The following BCO1 variants were observed in gnomAD, a reference collection of about 807,000 sequenced individuals.
BCO1 encodes the protein beta-carotene oxygenase 1, also known as beta,beta-carotene 15,15'-dioxygenase.
A neutral mutation model predicts 56.3 loss-of-function variants in BCO1; 54 were observed. The observed-to-expected ratio is 0.96, with a 90% confidence interval of 0.77 to 1.20. The LOEUF is 1.20. BCO1 is among the 50% of genes most tolerant of loss of function. The pLI, the probability that BCO1 is intolerant of heterozygous loss-of-function variation, is 0.00. For missense variants in BCO1, 801 were observed against 690.9 expected (o/e 1.16, Z -1.79); for synonymous variants, 318 against 266.1 (o/e 1.20, Z -1.90).
At chr16:81,252,159 G>C (rs1313803766) in intron 2 of BCO1, among the ~76,000 whole-genome samples, 1 of 151,958 alleles carries the variant, frequency 6.6e-6, no homozygotes, top group Non-Finnish European at 1.5e-5. Context: ...ATGTTTATAG[G>C]AAATGGGCAG....
chr16:81,261,043 C>T (rs552215348), intron 3 of BCO1, among the ~76,000 whole-genome samples: 2 of 152,142 alleles, frequency 1.3e-5, no homozygotes, highest in Non-Finnish European at 2.9e-5. Context: ...AGCTCTAGGG[C>T]TAGCTCAGAG....
rs199638187 is a variant in BCO1 at position 81,290,559 on chromosome 16, C to T, written c.1626C>T (p.His542=). Residue 542 remains histidine, a synonymous_variant, in exon 11 of 11, where the codon CAC becomes CAT. Coordinates refer to ENST00000258168, the MANE Select transcript of BCO1 (RefSeq NM_017429.3). The part of the protein sequence containing the change: ...EEQRDRASDC[H]GAPLT The stretch of plus-strand genomic sequence containing the variant: ...AGCGGGACAGGGCTTCCGACTGCCA[C>T]GGGGCTCCTCTGACCTGATGGTGTT... 3.7e-5 allele frequency: 60 copies of T among 1,613,578 alleles called. No individual in the cohort carries two copies. In the East Asian group the frequency reaches 1.2e-3, roughly 32 times the overall value.
At chr16:81,273,436 T>G (rs963958676) in intron 7 of BCO1, among the ~76,000 whole-genome samples, 4 of 152,026 alleles carry the variant, frequency 2.6e-5, no homozygotes, top group African/African-American at 9.7e-5. Flanking sequence ...TTCCCACCCT[T>G]ACCGCCCAGT....
intron 7 of BCO1, among the ~76,000 whole-genome samples, chr16:81,271,222 C>T (rs906618682): frequency 6.6e-6 from 1 of 152,002 alleles, no homozygotes; most frequent in South Asian, 2.1e-4. Context: ...TCAAGCGGTT[C>T]TCCTGCCTCG....
intron 6 of BCO1, among the ~76,000 whole-genome samples, chr16:81,268,734 T>C (rs1473396097): frequency 1.3e-5 from 2 of 152,116 alleles, no homozygotes; most frequent in Non-Finnish European, 2.9e-5. Flanking sequence ...TGTGCATGGG[T>C]GTATGTATGT....
intron 1 of BCO1, among the ~76,000 whole-genome samples, chr16:81,242,828 C>T (rs1283336714): frequency 1.3e-5 from 2 of 152,148 alleles, no homozygotes; most frequent in East Asian, 3.8e-4. Context: ...TGCCTCCTCT[C>T]AGATCGGTGG....
intron 7 of BCO1, among the ~76,000 whole-genome samples, chr16:81,273,882 G>A (rs890204765): frequency 9.9e-5 from 15 of 152,152 alleles, no homozygotes; most frequent in African/African-American, 3.1e-4. Flanking sequence ...TCGTGGCACC[G>A]CACTGAGACT....
At chr16:81,279,584 A>G (rs553557989) in intron 7 of BCO1, among the ~76,000 whole-genome samples, 9 of 152,352 alleles carry the variant, frequency 5.9e-5, no homozygotes, top group African/African-American at 2.2e-4. Context: ...CAGTCTGCAC[A>G]ATAACTCAAA....
Position 81,270,348 on chromosome 16 carries a change from A to G in BCO1, c.1033A>G (p.Lys345Glu). 1 of 1,614,090 alleles carries G rather than the reference A, an allele frequency of 6.2e-7. No homozygotes were observed. The highest frequency in any genetic ancestry group is 8.5e-7 in the Non-Finnish European group (1 of 1,180,020). Residue 345 changes from lysine (K) to glutamate (E), a missense_variant, in exon 7 of 11, where the codon AAG becomes GAG. By Grantham distance (56) the Lys-to-Glu change is moderately conservative (BLOSUM62 1). Transcript: ENST00000258168. ...CCTGGCCAACCTGAACCAGGACTTC[A>G]AGGAGAACTCCAGGCTCACCTCGGT... ...FYLANLNQDF[K>E]ENSRLTSVPT...
At chr16:81,286,472 G>C (rs968856664) in intron 9 of BCO1, among the ~76,000 whole-genome samples, 1 of 151,972 alleles carries the variant, frequency 6.6e-6, no homozygotes, top group African/African-American at 2.4e-5. Context: ...GCAACAAAGG[G>C]GTTGTATTGT....
chr16:81,259,933 A>G lies in BCO1; in HGVS notation c.323+128A>G, dbSNP rs1020461087. ...TGAAAACTCCACATGACTGCCCTTT[A>G]ACCAGAGGTGCTACACAGTTCTTGA... On this transcript the variant is annotated intron_variant, in intron 3 of 10. Coordinates refer to ENST00000258168, the MANE Select transcript of BCO1 (RefSeq NM_017429.3). The G allele has an allele frequency of 3.6e-5, 42 of 1,169,186 alleles. No homozygotes were observed. In the South Asian group the frequency reaches 4.4e-4, roughly 12 times the overall value. The allele number at this position is 1,169,186 out of a possible 1,614,324, so 72.4% of individuals were successfully genotyped here. A position where few individuals can be genotyped will look rare whatever the true frequency, so the allele number is the denominator to read the frequency against.
chr16:81,266,161 G>T (rs1269727206), intron 5 of BCO1, among the ~76,000 whole-genome samples: 1 of 152,230 alleles, frequency 6.6e-6, no homozygotes, highest in Non-Finnish European at 1.5e-5. Context: ...AGGGAGCTCA[G>T]TCCTGCTGGG....
intron 8 of BCO1, among the ~76,000 whole-genome samples, chr16:81,281,614 TA>T (rs1907885785): frequency 6.6e-6 from 1 of 152,090 alleles, no homozygotes; most frequent in African/African-American, 2.4e-5. Context: ...ATCGGCCCCG[TA>T]ATATAGCGAA....
chr16:81,242,261 G>A (rs959005631), intron 1 of BCO1, among the ~76,000 whole-genome samples: 6 of 142,684 alleles, frequency 4.2e-5, no homozygotes, highest in South Asian at 4.5e-4. Context: ...GTGCAATGGC[G>A]CAATCTTCGG....
At chr16:81,277,705 TC>T (rs1314575801) in intron 7 of BCO1, among the ~76,000 whole-genome samples, 1 of 152,196 alleles carries the variant, frequency 6.6e-6, no homozygotes, top group Non-Finnish European at 1.5e-5. Flanking sequence ...TTATGAGAGT[TC>T]CCTTAAGTGT....
intron 3 of BCO1, among the ~76,000 whole-genome samples, chr16:81,260,714 G>A (rs993109120): frequency 2.2e-4 from 33 of 152,160 alleles, no homozygotes; most frequent in African/African-American, 7.7e-4. Context: ...TCACCATGTT[G>A]ATCAGGCTGG....
At chr16:81,246,516 A>G (rs545832113) in intron 2 of BCO1, among the ~76,000 whole-genome samples, 1 of 152,120 alleles carries the variant, frequency 6.6e-6, no homozygotes, top group South Asian at 2.1e-4. Flanking sequence ...CAGGTGGAAG[A>G]GTACAGGAAT....
rs774899787 is a variant in BCO1, at chr16:81,264,725, C to T, written c.557C>T (p.Thr186Ile). Reference protein sequence around the residue: ...DEAGNVLNMGTSIVEKGKTKY... With the variant: ...DEAGNVLNMGISIVEKGKTKY... ...GCTGGAAATGTTCTAAACATGGGCA[C>T]ATCCATTGTGGAAAAGGGGAAGACA... is the stretch of plus-strand genomic sequence containing the variant. Residue 186 changes from threonine to isoleucine, a missense_variant, in exon 5 of 11, where the codon ACA becomes ATA. Thr to Ile is a moderately conservative substitution (Grantham distance 89, BLOSUM62 -1). Coordinates refer to ENST00000258168, the MANE Select transcript of BCO1 (RefSeq NM_017429.3). 1.2e-6 allele frequency: 2 copies of T among 1,614,146 alleles called. No individual in the cohort carries two copies. Among genetic ancestry groups the T allele is most frequent in the South Asian group, 1.1e-5 (1 of 91,082 alleles).
chr16:81,246,671 C>T (rs7186231), intron 2 of BCO1, among the ~76,000 whole-genome samples: 3 of 151,504 alleles, frequency 2.0e-5, no homozygotes, highest in Non-Finnish European at 2.9e-5. Flanking sequence ...GCCAACATAG[C>T]GAAACCCCAT....
Sources: allele counts gnomAD v4.1 joint callset (sites outside exome capture counted in the v4.1 genomes callset), GRCh38; gene constraint gnomAD v4.1.1; transcripts MANE v1.5; gene names NCBI Gene and HGNC (gene_info 2026-07-23, HGNC 2026-07-21).